Variants in TENM3 observed in about 807,000 individuals in gnomAD.
The protein encoded by TENM3 is teneurin transmembrane protein 3.
TENM3 carries 63 observed loss-of-function variants against 255.1 expected under a neutral mutation model. That is an observed-to-expected ratio of 0.25 (90% CI 0.20 to 0.30). TENM3 has a LOEUF of 0.30. TENM3 is among the 10% of genes least tolerant of loss of function. The pLI, the probability that TENM3 is intolerant of heterozygous loss-of-function variation, is 1.00. For missense variants in TENM3, 2,929 were observed against 3,461.1 expected (o/e 0.85, Z 3.86); for synonymous variants, 1,306 against 1,322.3 (o/e 0.99, Z 0.27).
intron 3 of TENM3, among the ~76,000 whole-genome samples, chr4:182,348,445 G>C (rs1167347485): frequency 6.6e-6 from 1 of 151,992 alleles, no homozygotes; most frequent in African/African-American, 2.4e-5. Context: ...GCAATGGCAG[G>C]TACCATGGTC....
At chr4:182,571,864 T>C (rs1278228053) in intron 3 of TENM3, among the ~76,000 whole-genome samples, 2 of 152,176 alleles carry the variant, frequency 1.3e-5, no homozygotes, top group Admixed American at 6.5e-5. Context: ...CAAAGACCAC[T>C]GTGGCACACA....
chr4:181,586,134 A>G, the TENM3 span, among the ~76,000 whole-genome samples: 1 of 152,146 alleles, frequency 6.6e-6, no homozygotes, highest in Non-Finnish European at 1.5e-5. Context: ...CTCACTTCCT[A>G]CCCCACTCTG....
chr4:181,522,621 G>C, the TENM3 span: 1 of 521,134 alleles, frequency 1.9e-6, no homozygotes, highest in Non-Finnish European at 3.6e-6. Context: ...TATTCTTCTT[G>C]AGGTCTCCAA....
the TENM3 span, among the ~76,000 whole-genome samples, chr4:181,554,273 G>A: frequency 6.6e-6 from 1 of 152,164 alleles, no homozygotes. Context: ...AGCTGCGGGC[G>A]GTGTCTGCCT....
At chr4:182,630,155 A>G (rs1198615524) in intron 5 of TENM3, among the ~76,000 whole-genome samples, 1 of 152,132 alleles carries the variant, frequency 6.6e-6, no homozygotes, top group Non-Finnish European at 1.5e-5. Flanking sequence ...CCTTTCTGTC[A>G]TCTTTTAATC....
chr4:182,689,170 A>G (rs921837988), intron 12 of TENM3, among the ~76,000 whole-genome samples: 2 of 152,332 alleles, frequency 1.3e-5, no homozygotes, highest in African/African-American at 4.8e-5. Context: ...AGTACACAGT[A>G]TTAATTATAA....
the TENM3 span, among the ~76,000 whole-genome samples, chr4:181,459,913 C>T: frequency 6.6e-6 from 1 of 151,888 alleles, no homozygotes; most frequent in Non-Finnish European, 1.5e-5. Context: ...ATTGACACAT[C>T]AACGATATTG....
At chr4:181,988,063 A>T in the TENM3 span, among the ~76,000 whole-genome samples, 1 of 152,102 alleles carries the variant, frequency 6.6e-6, no homozygotes, top group African/African-American at 2.4e-5. Flanking sequence ...TAAAACTCCC[A>T]GCCCAATTTC....
At chr4:182,424,226 TA>T (rs889006910) in intron 3 of TENM3, among the ~76,000 whole-genome samples, 9 of 152,270 alleles carry the variant, frequency 5.9e-5, no homozygotes, top group African/African-American at 2.2e-4. Context: ...ACATACACAT[TA>T]AAATTAGCAA....
chr4:181,610,253 A>G, the TENM3 span, among the ~76,000 whole-genome samples: 4 of 152,044 alleles, frequency 2.6e-5, no homozygotes, highest in African/African-American at 9.7e-5. Flanking sequence ...CACAATCCTC[A>G]TTTTGGGCTA....
At chr4:182,389,123 T>TG (rs1768223774) in intron 3 of TENM3, among the ~76,000 whole-genome samples, 1 of 152,228 alleles carries the variant, frequency 6.6e-6, no homozygotes, top group South Asian at 2.1e-4. Flanking sequence ...TCTCTTTTCT[T>TG]GTTTAAAATG....
chr4:181,753,446 G>A, the TENM3 span, among the ~76,000 whole-genome samples: 53 of 152,146 alleles, frequency 3.5e-4, no homozygotes, highest in African/African-American at 1.1e-3. Context: ...GCCAGAGTCC[G>A]CGTGGAGCAT....
chr4:182,347,574 A>G (rs951165651), intron 3 of TENM3, among the ~76,000 whole-genome samples: 1 of 152,210 alleles, frequency 6.6e-6, no homozygotes, highest in Non-Finnish European at 1.5e-5. Flanking sequence ...GGATTTTAGG[A>G]TATCCAAATA....
At chr4:181,818,102 G>A in the TENM3 span, among the ~76,000 whole-genome samples, 1 of 152,100 alleles carries the variant, frequency 6.6e-6, no homozygotes, top group Admixed American at 6.5e-5. Flanking sequence ...TAGCTTAGTT[G>A]TACTACTCTT....
the TENM3 span, among the ~76,000 whole-genome samples, chr4:181,863,963 A>G: frequency 6.6e-6 from 1 of 152,192 alleles, no homozygotes; most frequent in Non-Finnish European, 1.5e-5. Flanking sequence ...TGCAACCAAA[A>G]CAGCCGTAAT....
intron 12 of TENM3, among the ~76,000 whole-genome samples, chr4:182,689,319 G>GT (rs1756833740): frequency 6.6e-6 from 1 of 152,156 alleles, no homozygotes; most frequent in Admixed American, 6.5e-5. Context: ...CGATGTATCC[G>GT]TAAGTATTAT....
At chr4:181,525,466 TC>T in the TENM3 span, among the ~76,000 whole-genome samples, 1 of 148,328 alleles carries the variant, frequency 6.7e-6, no homozygotes, top group Admixed American at 6.7e-5. Context: ...AAATCATATC[TC>T]CCCCTGACTT....
chr4:182,520,113 A>G (rs551533181), intron 3 of TENM3, among the ~76,000 whole-genome samples: 5 of 152,258 alleles, frequency 3.3e-5, no homozygotes, highest in African/African-American at 1.2e-4. Flanking sequence ...TAAAAATGAA[A>G]TTTGAAGGAA....
chr4:181,829,686 A>G, the TENM3 span, among the ~76,000 whole-genome samples: 3 of 152,184 alleles, frequency 2.0e-5, no homozygotes, highest in Non-Finnish European at 4.4e-5. Flanking sequence ...GAACCGCTCT[A>G]TCCCATCCCC....
Sources: allele counts gnomAD v4.1 joint callset (sites outside exome capture counted in the v4.1 genomes callset), GRCh38; gene constraint gnomAD v4.1.1; transcripts MANE v1.5; gene names NCBI Gene and HGNC (gene_info 2026-07-23, HGNC 2026-07-21).